BACH2: variants seen among roughly 807,000 people sequenced by gnomAD.
The protein encoded by BACH2 is BACH transcriptional regulator 2, also known as transcription regulator protein BACH2.
A neutral mutation model predicts 61.8 loss-of-function variants in BACH2; 5 were observed. The observed-to-expected ratio is 0.08, with a 90% CI of 0.04 to 0.17. The LOEUF (loss-of-function observed/expected upper bound fraction) is 0.17, where lower values mean the gene tolerates loss of function less well. Among genes scored for constraint, BACH2 ranks in the 10% least tolerant of loss-of-function variants. BACH2 has a pLI of 1.00. For synonymous variants in BACH2, 446 were observed against 440.1 expected (o/e 1.01, Z -0.17); for missense variants, 824 against 1,091.1 (o/e 0.76, Z 3.45).
chr6:90,276,128 T>C (rs2127883974), intron 1 of BACH2, among the ~76,000 whole-genome samples: 1 of 152,334 alleles, frequency 6.6e-6, no homozygotes, highest in East Asian at 1.9e-4. Flanking sequence ...AAGGAATGTC[T>C]ACCACAGCAA....
At chr6:90,091,114 G>A (rs766149767) in intron 4 of BACH2, among the ~76,000 whole-genome samples, 1 of 152,082 alleles carries the variant, frequency 6.6e-6, no homozygotes, top group Non-Finnish European at 1.5e-5. Context: ...GTAGGAATTT[G>A]GGCTTCAGAA....
rs368827739 is a variant in BACH2, at chr6:90,008,553, G to C, written c.243+49C>G. 1 of 1,604,882 alleles carries C rather than the reference G, an allele frequency of 6.2e-7. No individual in the cohort carries two copies. Among genetic ancestry groups the C allele is most frequent in the Admixed American group, 1.7e-5 (1 of 59,850 alleles). Reference sequence around the variant, plus strand: ...CTAGCTCCTAGTCAGCCAGTTTTCTGTAAGTCAATAAACATTCATTAACAA... The same window carrying C: ...CTAGCTCCTAGTCAGCCAGTTTTCTCTAAGTCAATAAACATTCATTAACAA... On this transcript the variant is annotated intron_variant, in intron 6 of 8. Transcript: ENST00000257749. The surrounding 1 kb of genome is among the most constrained non-coding windows in gnomAD (Gnocchi z 4.1).
At chr6:90,021,990 C>G (rs1778400894) in intron 5 of BACH2, among the ~76,000 whole-genome samples, 1 of 152,196 alleles carries the variant, frequency 6.6e-6, no homozygotes, top group Non-Finnish European at 1.5e-5. Context: ...ATTGTATCAT[C>G]AAATCCTTAA....
rs563440851 is a variant in BACH2, at chr6:90,172,262, T to C, written c.-162+34307A>G. 6.3e-5 allele frequency among the ~76,000 whole-genome samples: 9 copies of C among 141,788 alleles called. No individual in the cohort carries two copies. In the South Asian group the frequency reaches 1.1e-3, roughly 17 times the overall value. 93.0% of individuals were successfully genotyped at this position (141,788 alleles called of 152,430 possible). On this transcript the variant is annotated intron_variant, in intron 4 of 8. Coordinates refer to ENST00000257749, the MANE Select transcript of BACH2 (RefSeq NM_021813.4). ...CAAAGGTTGCAGTGAGCCGAGATCA[T>C]GCCATTGCACTACAGCCCGGGTGAC...
intron 4 of BACH2, among the ~76,000 whole-genome samples, chr6:90,188,999 G>C (rs987701606): frequency 6.6e-6 from 1 of 152,038 alleles, no homozygotes; most frequent in Non-Finnish European, 1.5e-5. Flanking sequence ...TTTTTACAAA[G>C]TTTCCTAAGA....
intron 1 of BACH2, among the ~76,000 whole-genome samples, chr6:90,295,706 A>G (rs138452436): frequency 6.6e-6 from 1 of 150,716 alleles, no homozygotes; most frequent in African/African-American, 2.5e-5. Flanking sequence ...TTCATGGAGG[A>G]TCTGTGGGAG....
intron 3 of BACH2, among the ~76,000 whole-genome samples, chr6:90,252,116 T>C (rs1264513066): frequency 6.6e-6 from 1 of 152,222 alleles, no homozygotes. Flanking sequence ...TGAGCAAACA[T>C]GAACATCACA....
In BACH2 at chr6:89,950,287, G is replaced by A; in HGVS notation, c.1819C>T (p.Gln607Ter). The change falls in exon 7 of 9, where the codon CAG (glutamine) becomes TAG (stop). Residue 607 changes from glutamine (Q) to a stop codon, truncating the protein, a stop_gained. Coordinates refer to ENST00000257749, the MANE Select transcript of BACH2 (RefSeq NM_021813.4). LOFTEE classifies it high-confidence loss of function. The surrounding 1 kb of genome is among the most constrained non-coding windows in gnomAD (Gnocchi z 5.3). ...TTCCCTACCTCCTGGCCCCTGTCCT[G>A]CACAGGACACGACTCACTGTCTGCT... is the stretch of plus-strand genomic sequence containing the variant. ...SEADSESCPV[Q>*]DRGQEVKLPF... 1 of 1,614,156 alleles carries A rather than the reference G, an allele frequency of 6.2e-7. No homozygotes were observed. The highest frequency in any genetic ancestry group is 8.5e-7 in the Non-Finnish European group (1 of 1,180,024).
chr6:90,234,993 A>T (rs1770211926), intron 3 of BACH2, among the ~76,000 whole-genome samples: 1 of 152,054 alleles, frequency 6.6e-6, no homozygotes, highest in African/African-American at 2.4e-5. Context: ...CCCCATACCA[A>T]CTGGGGCACC....
intron 4 of BACH2, among the ~76,000 whole-genome samples, chr6:90,160,633 C>T (rs1248773476): frequency 1.3e-5 from 2 of 152,210 alleles, no homozygotes; most frequent in African/African-American, 4.8e-5. Flanking sequence ...CTAAGACAAA[C>T]ACCACCTCTT....
At chr6:89,985,218 T>C (rs568231940) in intron 6 of BACH2, among the ~76,000 whole-genome samples, 1 of 152,328 alleles carries the variant, frequency 6.6e-6, no homozygotes, top group South Asian at 2.1e-4. Context: ...AACGGATTAA[T>C]GTTTAGGAGA....
chr6:90,103,029 A>ATT (rs371386234), intron 4 of BACH2, among the ~76,000 whole-genome samples: 579 of 21,170 alleles, frequency 0.027, 43 homozygotes, highest in Non-Finnish European at 0.033. Flanking sequence ...ATATATATAT[A>ATT]TTTTTTTTTT....
intron 5 of BACH2, among the ~76,000 whole-genome samples, chr6:90,078,143 T>C (rs560320230): frequency 1.3e-5 from 2 of 152,300 alleles, no homozygotes; most frequent in Admixed American, 1.3e-4. Context: ...GATGCAATAT[T>C]TTCTGTGGGG....
chr6:89,990,379 T>C (rs906471850), intron 6 of BACH2, among the ~76,000 whole-genome samples: 1 of 152,198 alleles, frequency 6.6e-6, no homozygotes, highest in Non-Finnish European at 1.5e-5. Context: ...AACAGAACTT[T>C]AAGCTTTTGC....
intron 5 of BACH2, among the ~76,000 whole-genome samples, chr6:90,034,426 G>C (rs929381250): frequency 2.6e-5 from 4 of 151,976 alleles, no homozygotes; most frequent in African/African-American, 9.7e-5. Context: ...TCAGCACACT[G>C]TACATTTTCC....
In BACH2 at chr6:89,950,729, A is replaced by C. The variant is rs902141554; in HGVS notation, c.1377T>G (p.Ser459=). The change falls in exon 7 of 9, where the codon TCT becomes TCG. Residue 459 remains serine (S), a synonymous_variant. Coordinates refer to ENST00000257749, the MANE Select transcript of BACH2 (RefSeq NM_021813.4). This position sits in a 1 kb window ranked among gnomAD's most constrained non-coding sequence, Gnocchi z 5.3. ...SGVSSLDKDL[S]EPVPKGLWVG... is the part of the protein sequence containing the mutation. ...CCCACAGACCCTTTGGCACCGGCTC[A>C]GAGAGGTCTTTGTCCAAACTGCTCA... 3 of 1,614,162 alleles carry C rather than the reference A, an allele frequency of 1.9e-6. No individual in the cohort carries two copies. The highest frequency in any genetic ancestry group is 2.5e-6 in the Non-Finnish European group (3 of 1,180,024).
rs199646582 is a variant in BACH2 at position 89,932,607 on chromosome 6, G to A, written c.2327C>T (p.Pro776Leu). The A allele has an allele frequency of 1.9e-5, 30 of 1,614,072 alleles. No homozygotes were observed. In the African/African-American group the frequency reaches 3.9e-4, roughly 21 times the overall value. ...GCTGGGTGCCCAGGGGGGTCCGGGG[G>A]GAGCCGCGCCTGGCTCCAAGCAGCA... ...VPCCLEPGAA[P>L]PGPPWAPSNT... The change falls in exon 9 of 9, where the codon CCC becomes CTC. Residue 776 changes from proline to leucine, a missense_variant. This residue lies in a region of BACH2 where 135 missense variants were observed against 142.7 expected (regional missense o/e 0.95). Coordinates refer to ENST00000257749, the MANE Select transcript of BACH2 (RefSeq NM_021813.4).
chr6:90,093,472 T>TGC (rs1389229692), intron 4 of BACH2, among the ~76,000 whole-genome samples: 1 of 152,232 alleles, frequency 6.6e-6, no homozygotes, highest in Non-Finnish European at 1.5e-5. Context: ...ATCTCTGCTG[T>TGC]CCAATATGGC....
intron 4 of BACH2, among the ~76,000 whole-genome samples, chr6:90,193,397 C>T (rs115381333): frequency 7.8e-4 from 119 of 152,226 alleles, no homozygotes; most frequent in African/African-American, 2.3e-3. Flanking sequence ...TGAAGAGACT[C>T]GGGAAAAGGT....
Sources: allele counts gnomAD v4.1 joint callset (sites outside exome capture counted in the v4.1 genomes callset), GRCh38; gene constraint gnomAD v4.1.1; regional missense constraint gnomAD v4.1.1; non-coding constraint Gnocchi (gnomAD v3.1); transcripts MANE v1.5; gene names NCBI Gene and HGNC (gene_info 2026-07-23, HGNC 2026-07-21).